Variants in RCOR3 observed in about 807,000 individuals in gnomAD.
RCOR3 encodes the protein REST corepressor 3.
A neutral mutation model predicts 64.1 loss-of-function variants in RCOR3; 13 were observed. The observed-to-expected ratio is 0.20, with a 90% confidence interval of 0.13 to 0.32. RCOR3 has a LOEUF of 0.32. Among genes scored for constraint, RCOR3 ranks in the 10% least tolerant of loss-of-function variants. The pLI, the probability that RCOR3 is intolerant of heterozygous loss-of-function variation, is 1.00. For synonymous variants in RCOR3, 215 were observed against 239.0 expected (o/e 0.90, Z 0.93); for missense variants, 489 against 701.2 (o/e 0.70, Z 3.42).
chr1:211,295,621 C>A, intron 8 of RCOR3, 55 bp from the exon 9 acceptor site: 1 of 1,454,142 alleles, frequency 6.9e-7, no homozygotes, highest in South Asian at 1.1e-5. Flanking sequence ...ATTGAGTACT[C>A]ACAAATTTAC....
At position 211,293,017 on chromosome 1, in the gene RCOR3, G is replaced by T. The variant is rs192759260; in HGVS notation, c.940-2659G>T. On this transcript the variant is annotated intron_variant, in intron 8 of 11. Transcript: ENST00000419091. ...GAGAATAGCTTGAATCCGGGCTGCA[G>T]AGGTTGCAGTGAGCCGAGATCGCGC... Among the ~76,000 whole-genome samples the T allele has an allele frequency of 5.2e-3, 788 of 152,034 alleles. 3 individuals are homozygous for T. Among genetic ancestry groups the T allele is most frequent in the Non-Finnish European group, 8.4e-3 (574 of 67,992 alleles).
At chr1:211,259,814 C>T (rs1693867779) in intron 1 of RCOR3, 88 bp downstream of exon 1, 2 of 1,217,274 alleles carry the variant, frequency 1.6e-6, no homozygotes, top group Non-Finnish European at 1.1e-6. Flanking sequence ...GCTCTCCCGC[C>T]CTCCCTCCCC....
intron 2 of RCOR3, among the ~76,000 whole-genome samples, chr1:211,263,845 G>T (rs1293167935): frequency 6.6e-6 from 1 of 151,106 alleles, no homozygotes; most frequent in Non-Finnish European, 1.5e-5. Context: ...TTTTTAGGCA[G>T]AGTCTTGCTC....
intron 4 of RCOR3, 144 bp downstream of exon 4, chr1:211,274,406 C>T: frequency 4.1e-6 from 2 of 491,702 alleles, no homozygotes; most frequent in Non-Finnish European, 7.3e-6. Flanking sequence ...CAAAGAGTGA[C>T]CTTTCAATAT....
intron 6 of RCOR3, among the ~76,000 whole-genome samples, chr1:211,278,900 G>T (rs10863885): frequency 0.042 from 6,426 of 152,178 alleles, 342 homozygotes; most frequent in East Asian, 0.26. Flanking sequence ...ATAAAAAGAA[G>T]GGAATTGGTT....
chr1:211,288,210 CAA>C (rs902271745), intron 7 of RCOR3, among the ~76,000 whole-genome samples: 2 of 128,026 alleles, frequency 1.6e-5, no homozygotes, highest in African/African-American at 2.8e-5. Flanking sequence ...GACCCTGTCT[CAA>C]AAAAAAAAAA....
intron 7 of RCOR3, among the ~76,000 whole-genome samples, chr1:211,285,058 T>C (rs181465328): frequency 4.7e-4 from 72 of 152,334 alleles, no homozygotes; most frequent in Admixed American, 4.3e-3. Context: ...TGTACCTTGG[T>C]TATTCTTGGA....
intron 3 of RCOR3, among the ~76,000 whole-genome samples, chr1:211,273,048 A>G (rs1696462305): frequency 1.3e-5 from 2 of 152,226 alleles, no homozygotes; most frequent in South Asian, 4.1e-4. Context: ...TTTGGGCTGT[A>G]AACAAAATAT....
rs955451240 is a variant in RCOR3, at chr1:211,259,435, C to T, written c.-126C>T. ...GGCGGCTCCATATTAACAGCCTCCT[C>T]CTCCTCCGCCGCCGCCGCCGTCTCC... On this transcript the variant is annotated 5_prime_UTR_variant, in exon 1 of 12. Coordinates refer to ENST00000419091, the MANE Select transcript of RCOR3 (RefSeq NM_001136223.3). 11 of 959,536 alleles carry T rather than the reference C, an allele frequency of 1.1e-5. No individual in the cohort carries two copies. In the Admixed American group the frequency reaches 1.7e-4, roughly 15 times the overall value. 59.4% of individuals were successfully genotyped at this position (959,536 alleles called of 1,614,324 possible). A position where few individuals can be genotyped will look rare whatever the true frequency, so the allele number is the denominator to read the frequency against.
intron 3 of RCOR3, 79 bp downstream of exon 3, chr1:211,271,388 G>T: frequency 1.8e-6 from 2 of 1,122,346 alleles, no homozygotes; most frequent in Non-Finnish European, 2.7e-6. Context: ...TTTGTTTTTG[G>T]GTCTTATAGA....
chr1:211,280,603 A>G (rs1272085543), intron 7 of RCOR3, among the ~76,000 whole-genome samples: 1 of 151,768 alleles, frequency 6.6e-6, no homozygotes, highest in African/African-American at 2.4e-5. Context: ...CTTCGTATCT[A>G]CTCTTTCTCC....
intron 7 of RCOR3, among the ~76,000 whole-genome samples, chr1:211,284,155 G>A (rs1339859954): frequency 4.6e-5 from 7 of 151,906 alleles, no homozygotes; most frequent in South Asian, 4.1e-4. Context: ...CCGTGTTCAC[G>A]CCATTCTCCT....
At chr1:211,306,520 A>ATT (rs1700867198) in intron 10 of RCOR3, among the ~76,000 whole-genome samples, 1 of 152,124 alleles carries the variant, frequency 6.6e-6, no homozygotes, top group Admixed American at 6.5e-5. Flanking sequence ...TAAATGCTTT[A>ATT]TTTTATCTGG....
At position 211,315,334 on chromosome 1, in the gene RCOR3, A is replaced by G. The variant is rs978093461; in HGVS notation, c.*1566A>G. The stretch of plus-strand genomic sequence containing the variant: ...GTTGGCTCCACAGCCTTAAAGTGCT[A>G]TAGATTTAAATTCATTGATTAGTTT... On this transcript the variant is annotated 3_prime_UTR_variant, in exon 12 of 12. Transcript: ENST00000419091. The G allele has an allele frequency of 2.0e-5, 3 of 152,212 alleles. No homozygotes were observed. Among genetic ancestry groups the G allele is most frequent in the African/African-American group, 4.8e-5 (2 of 41,464 alleles). The allele number at this position is 152,212 out of a possible 1,614,324, so 9.4% of individuals were successfully genotyped here.
chr1:211,260,271 G>A, intron 2 of RCOR3, 107 bp downstream of exon 2: 1 of 965,494 alleles, frequency 1.0e-6, no homozygotes, highest in Non-Finnish European at 1.6e-6. Flanking sequence ...TGCGGGGTTG[G>A]GCTGGGCAGG....
Position 211,259,712 on chromosome 1 carries a change from G to C in RCOR3, c.152G>C (p.Ser51Thr). 1 of 1,515,326 alleles carries C rather than the reference G, an allele frequency of 6.6e-7. No homozygotes were observed. Among genetic ancestry groups the C allele is most frequent in the East Asian group, 2.6e-5 (1 of 38,772 alleles). 93.9% of individuals were successfully genotyped at this position (1,515,326 alleles called of 1,614,324 possible). A position where few individuals can be genotyped will look rare whatever the true frequency, so the allele number is the denominator to read the frequency against. Residue 51 changes from serine to threonine, a missense_variant, in exon 1 of 12, where the codon AGC becomes ACC. Coordinates refer to ENST00000419091, the MANE Select transcript of RCOR3 (RefSeq NM_001136223.3). ...TCAGAGCCCGAGAGCGGCTGCAGCAGCGACGACGAGCACGGTGGTAGCCTC... is the reference window on the plus strand; with the variant it reads ...TCAGAGCCCGAGAGCGGCTGCAGCACCGACGACGAGCACGGTGGTAGCCTC... ...HYSEPESGCSSDDEHDVGMRV... is the reference protein window; with the variant it reads ...HYSEPESGCSTDDEHDVGMRV...
At chr1:211,268,457 G>A (rs1340351790) in intron 2 of RCOR3, among the ~76,000 whole-genome samples, 1 of 130,016 alleles carries the variant, frequency 7.7e-6, no homozygotes, top group Non-Finnish European at 1.5e-5. Context: ...TCGGCTCACC[G>A]CAACCTCCGC....
rs534817003 is a variant in RCOR3, at chr1:211,295,163, A to G, written c.940-513A>G. ...TAGGCATGAGCTACTGTACCTGGCT[A>G]GTTCAGTGACTTTTAATGTATTTAT... On this transcript the variant is annotated intron_variant, in intron 8 of 11. Transcript: ENST00000419091. Among the ~76,000 whole-genome samples, 50 of 149,552 alleles carry G rather than the reference A, an allele frequency of 3.3e-4. 1 individual carries two copies. Among genetic ancestry groups the G allele is most frequent in the Admixed American group, 3.3e-3 (48 of 14,702 alleles).
At chr1:211,264,049 C>G (rs1327657414) in intron 2 of RCOR3, among the ~76,000 whole-genome samples, 1 of 152,196 alleles carries the variant, frequency 6.6e-6, no homozygotes, top group Non-Finnish European at 1.5e-5. Flanking sequence ...TCTTGAACTC[C>G]TGGTCTCAGG....
Sources: gnomAD v4.1 joint callset for allele counts (sites outside exome capture counted in the v4.1 genomes callset) on GRCh38, gnomAD v4.1.1 for gene constraint, MANE v1.5 for transcripts, NCBI Gene and HGNC (gene_info 2026-07-23, HGNC 2026-07-21) for gene names.